LRMDA: variants seen among roughly 807,000 people sequenced by gnomAD.
LRMDA encodes the protein leucine-rich melanocyte differentiation-associated protein.
Under a neutral mutation model 29.8 loss-of-function variants are expected in LRMDA, and 18 were observed. The ratio of observed to expected loss-of-function variants is 0.60; its 90% CI spans 0.42 to 0.90. LRMDA has a LOEUF of 0.90. Ranked by LOEUF, LRMDA falls within the 40% of genes least tolerant of loss-of-function variation. The pLI is 0.00. For missense variants in LRMDA, 273 were observed against 273.9 expected, an observed-to-expected ratio of 1.00 and a Z score of 0.02; for synonymous variants, 125 against 109.4, an observed-to-expected ratio of 1.14 and a Z score of -0.89.
At chr10:75,781,256 A>G (rs750380181) in intron 2 of LRMDA, among the ~76,000 whole-genome samples, 3 of 152,012 alleles carry the variant, frequency 2.0e-5, no homozygotes, top group South Asian at 2.1e-4. Flanking sequence ...TTTTTCATTC[A>G]CCTCTTTGTC....
At position 76,140,110 on chromosome 10, in the gene LRMDA, C is replaced by G. The variant is rs115425821; in HGVS notation, c.516+81327C>G. ...ACCCTTTGGAAACCAGAATATGCCA[C>G]CCCAAAATATGTCTCTCTAGCGTAA... On this transcript the variant is annotated intron_variant, in intron 5 of 6. Coordinates refer to ENST00000611255, the MANE Select transcript of LRMDA (RefSeq NM_001305581.2). Among the ~76,000 whole-genome samples the G allele has an allele frequency of 3.4e-3, 514 of 152,202 alleles. 5 individuals are homozygous for G. The highest frequency in any genetic ancestry group is 0.012 in the African/African-American group (498 of 41,526).
chr10:75,782,875 C>A (rs572544500), intron 2 of LRMDA: 1 of 1,586,108 alleles, frequency 6.3e-7, no homozygotes, highest in Non-Finnish European at 8.6e-7. Context: ...CCCCCAAAGC[C>A]GTGGAGTACC....
At chr10:76,344,496 C>A (rs1841078971) in intron 6 of LRMDA, among the ~76,000 whole-genome samples, 1 of 152,110 alleles carries the variant, frequency 6.6e-6, no homozygotes, top group African/African-American at 2.4e-5. Context: ...ATTATGAAAT[C>A]ATGTAACAAA....
intron 5 of LRMDA, among the ~76,000 whole-genome samples, chr10:76,209,530 A>G (rs1041226316): frequency 9.8e-5 from 15 of 152,338 alleles, no homozygotes; most frequent in African/African-American, 3.4e-4. Context: ...GGATGTTACC[A>G]TGATCCATAC....
intron 2 of LRMDA, among the ~76,000 whole-genome samples, chr10:75,608,982 C>T (rs1349324688): frequency 6.6e-6 from 1 of 152,204 alleles, no homozygotes; most frequent in East Asian, 1.9e-4. Context: ...TATACTCACT[C>T]TCGTCACCTG....
chr10:76,031,028 A>G (rs935042083), intron 2 of LRMDA, among the ~76,000 whole-genome samples: 1 of 152,202 alleles, frequency 6.6e-6, no homozygotes, highest in Non-Finnish European at 1.5e-5. Context: ...TAGGAGAGGA[A>G]CAAGTTACTA....
At chr10:76,092,703 C>T (rs1185149751) in intron 5 of LRMDA, among the ~76,000 whole-genome samples, 4 of 152,170 alleles carry the variant, frequency 2.6e-5, no homozygotes, top group East Asian at 3.9e-4. Context: ...TAATTTTTTT[C>T]GGTAGTTGCT....
At chr10:75,565,478 T>C (rs570178662) in intron 2 of LRMDA, among the ~76,000 whole-genome samples, 2 of 152,336 alleles carry the variant, frequency 1.3e-5, no homozygotes, top group South Asian at 2.1e-4. Context: ...GCTTAACTTA[T>C]TCTTTTTGGC....
At chr10:76,045,792 T>G (rs1393452553) in intron 3 of LRMDA, among the ~76,000 whole-genome samples, 1 of 152,096 alleles carries the variant, frequency 6.6e-6, no homozygotes, top group African/African-American at 2.4e-5. Flanking sequence ...CTGTTATGGT[T>G]GTCAGAAATG....
chr10:75,847,458 T>C (rs1391367333), intron 2 of LRMDA, among the ~76,000 whole-genome samples: 2 of 152,176 alleles, frequency 1.3e-5, no homozygotes, highest in Non-Finnish European at 2.9e-5. Context: ...GCAATGATAT[T>C]GGATATGACA....
At chr10:75,652,182 A>G (rs1392945553) in intron 2 of LRMDA, among the ~76,000 whole-genome samples, 1 of 152,216 alleles carries the variant, frequency 6.6e-6, no homozygotes. Flanking sequence ...GCCTTGTGCT[A>G]ATAGCCACCA....
chr10:75,618,565 G>A (rs921876988), intron 2 of LRMDA, among the ~76,000 whole-genome samples: 4 of 147,934 alleles, frequency 2.7e-5, no homozygotes, highest in African/African-American at 9.9e-5. Flanking sequence ...CAGGGGCACT[G>A]ACTCCCCTGT....
chr10:75,749,307 A>G (rs1468823782), intron 2 of LRMDA, among the ~76,000 whole-genome samples: 2 of 152,180 alleles, frequency 1.3e-5, no homozygotes, highest in East Asian at 3.8e-4. Flanking sequence ...CTGGTCAATA[A>G]TAGACTATTA....
chr10:75,856,653 A>G (rs1844832398), intron 2 of LRMDA, among the ~76,000 whole-genome samples: 1 of 152,226 alleles, frequency 6.6e-6, no homozygotes, highest in Admixed American at 6.5e-5. Context: ...AAAAACTCTC[A>G]ATAAATTAGG....
chr10:76,493,196 G>C (rs1262582113), intron 6 of LRMDA, among the ~76,000 whole-genome samples: 1 of 152,038 alleles, frequency 6.6e-6, no homozygotes, highest in Non-Finnish European at 1.5e-5. Flanking sequence ...TTGCACCTAA[G>C]CTGGCACTCA....
chr10:75,760,328 A>G lies in LRMDA; in HGVS notation c.132-275680A>G, dbSNP rs149627882. Among the ~76,000 whole-genome samples, 881 of 152,296 alleles carry G rather than the reference A, an allele frequency of 5.8e-3. 8 individuals carry two copies. Among genetic ancestry groups the G allele is most frequent in the Middle Eastern group, 0.02 (6 of 294 alleles). Reference sequence around the variant, plus strand: ...ATGAAAAGCCCAGATGACAGGCTGGAGTTTACCCTTCCTAAGTCAGGTCTG... The same window carrying G: ...ATGAAAAGCCCAGATGACAGGCTGGGGTTTACCCTTCCTAAGTCAGGTCTG... On this transcript the variant is annotated intron_variant, in intron 2 of 6. Coordinates refer to ENST00000611255, the MANE Select transcript of LRMDA (RefSeq NM_001305581.2).
At chr10:76,350,957 C>T (rs1206875187) in intron 6 of LRMDA, among the ~76,000 whole-genome samples, 2 of 152,026 alleles carry the variant, frequency 1.3e-5, no homozygotes, top group Non-Finnish European at 2.9e-5. Context: ...ACAACCTAGC[C>T]CCTAAATCTC....
chr10:76,156,765 G>A (rs991396359), intron 5 of LRMDA, among the ~76,000 whole-genome samples: 1 of 152,194 alleles, frequency 6.6e-6, no homozygotes, highest in African/African-American at 2.4e-5. Context: ...ATTAGGCTTA[G>A]ACTAGGCAAC....
At chr10:76,074,699 T>G (rs1197215807) in intron 5 of LRMDA, among the ~76,000 whole-genome samples, 1 of 152,188 alleles carries the variant, frequency 6.6e-6, no homozygotes, top group Non-Finnish European at 1.5e-5. Flanking sequence ...GTAGCCCACC[T>G]GAATTGTTCA....
Sources: gnomAD v4.1 joint callset for allele counts (sites outside exome capture counted in the v4.1 genomes callset) on GRCh38, gnomAD v4.1.1 for gene constraint, MANE v1.5 for transcripts, NCBI Gene and HGNC (gene_info 2026-07-23, HGNC 2026-07-21) for gene names.